The following ZNF648 variants were observed in gnomAD, a reference collection of about 807,000 sequenced individuals.
ZNF648 encodes zinc finger protein 648.
ZNF648 carries 1 observed loss-of-function variant against 0.3 expected under a neutral mutation model. That is an observed-to-expected ratio of 3.90 (90% CI 1.39 to 18.51). ZNF648 has a LOEUF of 18.51. ZNF648 is among the 30% of genes most tolerant of loss of function. The pLI is 0.11. For synonymous variants in ZNF648, 376 were observed against 326.8 expected (o/e 1.15, Z -1.62); for missense variants, 874 against 769.7 (o/e 1.14, Z -1.60).
upstream of ZNF648, among the ~76,000 whole-genome samples, chr1:182,066,152 G>A (rs1481501356): frequency 1.3e-5 from 2 of 152,224 alleles, no homozygotes; most frequent in African/African-American, 2.4e-5. Context: ...CTGACTGGCA[G>A]TAGTGAAAAC....
rs1161087273 is a variant in ZNF648, at chr1:182,054,963, G to C, written c.*1341C>G. On this transcript the variant is annotated 3_prime_UTR_variant, in exon 2 of 2. Coordinates refer to ENST00000339948, the MANE Select transcript of ZNF648 (RefSeq NM_001009992.1). ...TAGTTCCAAATCAGGTGGAAACCAA[G>C]AGAAATTCAGATTTGGCATTCTTTG... 1.3e-5 allele frequency: 2 copies of C among 152,190 alleles called. No individual in the cohort carries two copies. The highest frequency in any genetic ancestry group is 4.8e-5 in the African/African-American group (2 of 41,448). The allele number at this position is 152,190 out of a possible 1,614,324, so 9.4% of individuals were successfully genotyped here. A position where few individuals can be genotyped will look rare whatever the true frequency, so the allele number is the denominator to read the frequency against.
Position 182,057,301 on chromosome 1 carries a change from G to T in ZNF648, c.710C>A (p.Ala237Glu). 1 of 1,601,546 alleles carries T rather than the reference G, an allele frequency of 6.2e-7. No homozygotes were observed. The highest frequency in any genetic ancestry group is 8.5e-7 in the Non-Finnish European group (1 of 1,177,998). ...AGCCTCTCCGCCCTCGCGCCGGCCC[G>T]CCTGGTTCTGTACTTTCCTGCTGTT... ...ARNSRKVQNQ[A>E]GRREGGEAEA... Residue 237 changes from alanine to glutamate, a missense_variant, in exon 2 of 2, where the codon GCG becomes GAG. Ala to Glu is a moderately radical substitution (Grantham distance 107). Transcript: ENST00000339948.
chr1:182,059,409 C>A (rs953004191), intron 1 of ZNF648, among the ~76,000 whole-genome samples: 9 of 152,288 alleles, frequency 5.9e-5, no homozygotes, highest in African/African-American at 1.9e-4. Context: ...AAAGGAGTTA[C>A]TAGAGAGGCA....
the ZNF648 span, among the ~76,000 whole-genome samples, chr1:182,067,197 C>T: frequency 6.6e-6 from 1 of 152,170 alleles, no homozygotes; most frequent in Non-Finnish European, 1.5e-5. Flanking sequence ...TTCACTAACT[C>T]AACACCACCT....
At position 182,057,262 on chromosome 1, in the gene ZNF648, T is replaced by G; in HGVS notation, c.749A>C (p.Tyr250Ser). Residue 250 changes from tyrosine to serine, a missense_variant, in exon 2 of 2, where the codon TAC becomes TCC. By Grantham distance (144) the Tyr-to-Ser change is moderately radical. Transcript: ENST00000339948. ...GGCCCGCCCGCCCCGCAGGCACCTGTAGGGACGCGCCTCAGCCTCTCCGCC... is the reference window on the plus strand; with the variant it reads ...GGCCCGCCCGCCCCGCAGGCACCTGGAGGGACGCGCCTCAGCCTCTCCGCC... ...REGGEAEARP[Y>S]RCLRGGRAFQ... 6.3e-7 allele frequency: 1 copy of G among 1,585,422 alleles called. No individual in the cohort carries two copies. The highest frequency in any genetic ancestry group is 8.5e-7 in the Non-Finnish European group (1 of 1,171,992).
At position 182,057,854 on chromosome 1, in the gene ZNF648, C is replaced by T. The variant is rs375103315; in HGVS notation, c.157G>A (p.Ala53Thr). 2.2e-5 allele frequency: 36 copies of T among 1,614,044 alleles called. No individual in the cohort carries two copies. Among genetic ancestry groups the T allele is most frequent in the Non-Finnish European group, 3.0e-5 (35 of 1,180,026 alleles). The part of the protein sequence containing the change: ...AEKEGTADPV[A>T]CPRGSSPVTH... ...ACTGGGGAGCTGCCCCTTGGACAGGCCACCGGGTCAGCGGTGCCCTCTTTT... is the reference window on the plus strand; with the variant it reads ...ACTGGGGAGCTGCCCCTTGGACAGGTCACCGGGTCAGCGGTGCCCTCTTTT... The change falls in exon 2 of 2, where the codon GCC becomes ACC. Residue 53 changes from alanine (A) to threonine (T), a missense_variant. By Grantham distance (58) the Ala-to-Thr change is moderately conservative. Transcript: ENST00000339948.
Position 182,054,757 on chromosome 1 carries a change from G to A in ZNF648, c.*1547C>T, listed in dbSNP as rs1222518869. 6.6e-6 allele frequency: 1 copy of A among 152,212 alleles called. No homozygotes were observed. Among genetic ancestry groups the A allele is most frequent in the Non-Finnish European group, 1.5e-5 (1 of 68,036 alleles). 9.4% of individuals were successfully genotyped at this position (152,212 alleles called of 1,614,324 possible). On this transcript the variant is annotated 3_prime_UTR_variant, in exon 2 of 2. Coordinates refer to ENST00000339948, the MANE Select transcript of ZNF648 (RefSeq NM_001009992.1). ...CTATCACTTCTATTTTGCCAATGCA[G>A]ATGCAGAAACTGAAGCCCAAGGTCA...
rs1210882690 is a variant in ZNF648, at chr1:182,055,563, T to G, written c.*741A>C. On this transcript the variant is annotated 3_prime_UTR_variant, in exon 2 of 2. Coordinates refer to ENST00000339948, the MANE Select transcript of ZNF648 (RefSeq NM_001009992.1). The surrounding 1 kb of genome is among the most constrained non-coding windows in gnomAD (Gnocchi z 4.1). ...TTCTGTGGGTGAGACTCGGGTTAGA[T>G]CTACTTACTAAATTCCACTATAAAG... 6.6e-6 allele frequency: 1 copy of G among 152,178 alleles called. No individual in the cohort carries two copies. The highest frequency in any genetic ancestry group is 1.5e-5 in the Non-Finnish European group (1 of 68,034). The allele number at this position is 152,178 out of a possible 1,614,324, so 9.4% of individuals were successfully genotyped here.
Position 182,056,745 on chromosome 1 carries a change from G to A in ZNF648, c.1266C>T (p.Cys422=). The change falls in exon 2 of 2, where the codon TGC becomes TGT. Residue 422 remains cysteine, a synonymous_variant. Coordinates refer to ENST00000339948, the MANE Select transcript of ZNF648 (RefSeq NM_001009992.1). ...RVHSGERPFP[C]PTCGKCFTKS... ...TGGTGAAGCACTTGCCGCAGGTGGG[G>A]CAGGGGAAGGGCCGCTCGCCCGAGT... 1.9e-6 allele frequency: 3 copies of A among 1,574,970 alleles called. No homozygotes were observed. The highest frequency in any genetic ancestry group is 2.6e-6 in the Non-Finnish European group (3 of 1,160,394).
At chr1:182,065,764 T>C (rs1666090098), upstream of ZNF648, among the ~76,000 whole-genome samples, 1 of 152,238 alleles carries the variant, frequency 6.6e-6, no homozygotes, top group Non-Finnish European at 1.5e-5. Context: ...GACTTCACTA[T>C]CCTAATGAGT....
chr1:182,057,760 G>A lies in ZNF648; in HGVS notation c.251C>T (p.Ser84Phe), dbSNP rs201927958. 5 of 1,614,118 alleles carry A rather than the reference G, an allele frequency of 3.1e-6. No homozygotes were observed. The highest frequency in any genetic ancestry group is 1.3e-5 in the African/African-American group (1 of 74,930). The change falls in exon 2 of 2, where the codon TCC (serine) becomes TTC (phenylalanine). Residue 84 changes from serine (S) to phenylalanine (F), a missense_variant. Ser to Phe is a radical substitution (Grantham distance 155). Transcript: ENST00000339948. ...LGKEEEKFSDSSSAGGMGQKP... is the reference protein window; with the variant it reads ...LGKEEEKFSDFSSAGGMGQKP... ...CTGCCCCATGCCCCCAGCACTGGAGGAGTCAGAGAATTTCTCTTCCTCTTT... is the reference window on the plus strand; with the variant it reads ...CTGCCCCATGCCCCCAGCACTGGAGAAGTCAGAGAATTTCTCTTCCTCTTT...
the ZNF648 span, chr1:182,068,441 A>G: frequency 6.6e-6 from 1 of 152,262 alleles, no homozygotes; most frequent in Admixed American, 6.5e-5. Context: ...AACAGAAGAC[A>G]GTAGAATATA....
upstream of ZNF648, among the ~76,000 whole-genome samples, chr1:182,065,283 A>G (rs763127498): frequency 6.6e-6 from 1 of 152,070 alleles, no homozygotes; most frequent in African/African-American, 2.4e-5. Context: ...TTCCTCCTGG[A>G]AAGTCTTAGT....
At chr1:182,059,871 T>C (rs757480917) in intron 1 of ZNF648, among the ~76,000 whole-genome samples, 1 of 151,784 alleles carries the variant, frequency 6.6e-6, no homozygotes. Context: ...ACCAGGAAAC[T>C]GAGCTTTATT....
At position 182,057,628 on chromosome 1, in the gene ZNF648, C is replaced by T; in HGVS notation, c.383G>A (p.Ser128Asn). Residue 128 changes from serine to asparagine, a missense_variant, in exon 2 of 2, where the codon AGT (serine) becomes AAT (asparagine). Ser to Asn is a conservative substitution (Grantham distance 46). Transcript: ENST00000339948. Reference protein sequence around the residue: ...GASRALGSLPSGLAHKLLGQM... With the variant: ...GASRALGSLPNGLAHKLLGQM... ...ACCTAACAATTTGTGTGCGAGACCA[C>T]TGGGAAGGGAACCCAGAGCTCTGCT... 2 of 1,614,232 alleles carry T rather than the reference C, an allele frequency of 1.2e-6. No individual in the cohort carries two copies. Among genetic ancestry groups the T allele is most frequent in the South Asian group, 2.2e-5 (2 of 91,088 alleles).
upstream of ZNF648, chr1:182,062,629 A>T (rs985393578): frequency 6.6e-6 from 1 of 152,166 alleles, no homozygotes; most frequent in Non-Finnish European, 1.5e-5. Flanking sequence ...GCATGTAAGG[A>T]GCTTAGTTCG....
At chr1:182,067,461 G>A in the ZNF648 span, among the ~76,000 whole-genome samples, 7 of 152,306 alleles carry the variant, frequency 4.6e-5, no homozygotes, top group African/African-American at 1.7e-4. Context: ...ATCAGTATTA[G>A]CTAACAATAT....
chr1:182,056,245 TACC>T lies in ZNF648; in HGVS notation c.*56_*58del. 2 of 1,543,436 alleles carry T rather than the reference TACC, an allele frequency of 1.3e-6. No individual in the cohort carries two copies. The highest frequency in any genetic ancestry group is 3.5e-4 in the Middle Eastern group (2 of 5,690). On this transcript the variant is annotated 3_prime_UTR_variant, in exon 2 of 2. Coordinates refer to ENST00000339948, the MANE Select transcript of ZNF648 (RefSeq NM_001009992.1). ...CGAGGCTGACCAGTGAGGCTGGCAA[TACC>T]ATGTGAGTGGGCCCACCTGGGAAGG...
chr1:182,060,761 G>A (rs185335201), intron 1 of ZNF648, among the ~76,000 whole-genome samples: 27 of 152,254 alleles, frequency 1.8e-4, no homozygotes, highest in Non-Finnish European at 3.5e-4. Flanking sequence ...GGCTTGATCC[G>A]GGGCTGTAGG....
Sources: allele counts gnomAD v4.1 joint callset (sites outside exome capture counted in the v4.1 genomes callset), GRCh38; gene constraint gnomAD v4.1.1; non-coding constraint Gnocchi (gnomAD v3.1); transcripts MANE v1.5; gene names NCBI Gene and HGNC (gene_info 2026-07-23, HGNC 2026-07-21).